MYH10: variants seen among roughly 807,000 people sequenced by gnomAD.
MYH10 encodes the protein myosin-10.
MYH10 carries 55 observed loss-of-function variants against 257.8 expected under a neutral mutation model. The observed-to-expected ratio is 0.21, with a 90% CI of 0.17 to 0.27. The LOEUF is 0.27. Among genes scored for constraint, MYH10 ranks in the 10% least tolerant of loss-of-function variants. The pLI is 1.00. For missense variants in MYH10, 1,631 were observed against 2,500.6 expected, an observed-to-expected ratio of 0.65 and a Z score of 7.42; for synonymous variants, 854 against 921.7, an observed-to-expected ratio of 0.93 and a Z score of 1.33.
chr17:8,500,990 AAG>A lies in MYH10; in HGVS notation c.3600-22_3600-21del. 8.1e-6 allele frequency: 13 copies of A among 1,606,434 alleles called. No individual in the cohort carries two copies. Among genetic ancestry groups the A allele is most frequent in the Middle Eastern group, 1.7e-4 (1 of 6,034 alleles). The stretch of plus-strand genomic sequence containing the variant: ...TTTGTACTAGAGAAGGACATTTTTT[AAG>A]AGAGATCAGAATTAGCTGACTGATT... On this transcript the variant is annotated intron_variant, in intron 28 of 42. Coordinates refer to ENST00000360416, the MANE Select transcript of MYH10 (RefSeq NM_001256012.3).
At chr17:8,493,923 T>C in intron 31 of MYH10, 38 bp from the exon 32 acceptor site, 1 of 1,575,798 alleles carries the variant, frequency 6.3e-7, no homozygotes, top group Non-Finnish European at 8.6e-7. Flanking sequence ...TTCCATTACA[T>C]TTATCACCAA....
At chr17:8,577,727 T>G (rs868523151) in intron 4 of MYH10, among the ~76,000 whole-genome samples, 4 of 152,168 alleles carry the variant, frequency 2.6e-5, no homozygotes, top group Non-Finnish European at 4.4e-5. Context: ...AGATGGGGTT[T>G]CACCATGTTG....
At chr17:8,534,638 G>C (rs1333044006) in intron 16 of MYH10, among the ~76,000 whole-genome samples, 2 of 152,224 alleles carry the variant, frequency 1.3e-5, no homozygotes, top group African/African-American at 4.8e-5. Flanking sequence ...ATGTGACCCA[G>C]GTTACTGAAC....
intron 1 of MYH10, among the ~76,000 whole-genome samples, chr17:8,627,641 T>C (rs1391199472): frequency 6.6e-6 from 1 of 152,240 alleles, no homozygotes; most frequent in Non-Finnish European, 1.5e-5. Flanking sequence ...AATACATTTA[T>C]TTCACTCCAT....
In MYH10 at chr17:8,535,349, C is replaced by T. The variant is rs1194720948; in HGVS notation, c.1894+38G>A. On this transcript the variant is annotated intron_variant, in intron 16 of 42. Coordinates refer to ENST00000360416, the MANE Select transcript of MYH10 (RefSeq NM_001256012.3). This position sits in a 1 kb window ranked among gnomAD's most constrained non-coding sequence, Gnocchi z 4.3. ...CTATAAACCTTAATTATAAAAGATTCCAGCCAAGCATGATTACAAAGATAA... is the reference window on the plus strand; with the variant it reads ...CTATAAACCTTAATTATAAAAGATTTCAGCCAAGCATGATTACAAAGATAA... 6.8e-7 allele frequency: 1 copy of T among 1,479,030 alleles called. No individual in the cohort carries two copies. The allele number at this position is 1,479,030 out of a possible 1,614,324, so 91.6% of individuals were successfully genotyped here.
chr17:8,475,913 G>C lies in MYH10; in HGVS notation c.5915C>G (p.Ser1972Cys), dbSNP rs777012280. The change falls in exon 43 of 43, where the codon TCT (serine) becomes TGT (cysteine). Residue 1972 changes from serine to cysteine, a missense_variant. By Grantham distance (112) the Ser-to-Cys change is moderately radical. Coordinates refer to ENST00000360416, the MANE Select transcript of MYH10 (RefSeq NM_001256012.3). ...GGPISFSSSRSGRRQLHLEGA... is the reference protein window; with the variant it reads ...GGPISFSSSRCGRRQLHLEGA... ...TTCAAGGTGCAGCTGGCGCCGGCCA[G>C]ATCGGCTGGAAGAGAAGCTGATGGG... 2 of 1,614,140 alleles carry C rather than the reference G, an allele frequency of 1.2e-6. No individual in the cohort carries two copies. The highest frequency in any genetic ancestry group is 1.7e-6 in the Non-Finnish European group (2 of 1,180,036).
intron 4 of MYH10, among the ~76,000 whole-genome samples, chr17:8,579,695 G>C (rs1247541899): frequency 6.6e-6 from 1 of 152,120 alleles, no homozygotes; most frequent in African/African-American, 2.4e-5. Context: ...TTTATTTTAA[G>C]GTTTCTGCCC....
intron 14 of MYH10, among the ~76,000 whole-genome samples, chr17:8,536,137 C>T (rs2082132402): frequency 6.6e-6 from 1 of 152,002 alleles, no homozygotes; most frequent in African/African-American, 2.4e-5. Context: ...AACAAGAAAA[C>T]AGAGGAGTAA....
chr17:8,548,733 A>G lies in MYH10; in HGVS notation c.974T>C (p.Ile325Thr). 6.2e-7 allele frequency: 1 copy of G among 1,613,736 alleles called. No individual in the cohort carries two copies. Among genetic ancestry groups the G allele is most frequent in the South Asian group, 1.1e-5 (1 of 91,070 alleles). ...TTTGTCTTGCTGTCCCGGAATAGGA[A>G]TATAGCCATTGGAGAGAAACCTGTA... ...NNYRFLSNGYIPIPGQQDKDN... is the reference protein window; with the variant it reads ...NNYRFLSNGYTPIPGQQDKDN... Residue 325 changes from isoleucine (I) to threonine (T), a missense_variant, in exon 10 of 43, where the codon ATT becomes ACT. Ile to Thr is a moderately conservative substitution (Grantham distance 89). Transcript: ENST00000360416.
At chr17:8,607,667 GT>G (rs2084863325) in intron 2 of MYH10, among the ~76,000 whole-genome samples, 1 of 152,176 alleles carries the variant, frequency 6.6e-6, no homozygotes, top group Non-Finnish European at 1.5e-5. Flanking sequence ...GCAATATGTT[GT>G]TAAAATTATT....
chr17:8,593,464 TAA>T (rs1462686338), intron 3 of MYH10, among the ~76,000 whole-genome samples: 9 of 152,238 alleles, frequency 5.9e-5, no homozygotes, highest in African/African-American at 1.9e-4. Context: ...CCTTTCAGAC[TAA>T]GTTTAGCAAG....
At position 8,506,898 on chromosome 17, in the gene MYH10, C is replaced by T. The variant is rs534755016; in HGVS notation, c.3215-409G>A. On this transcript the variant is annotated intron_variant, in intron 26 of 42. Transcript: ENST00000360416. This position sits in a 1 kb window ranked among gnomAD's most constrained non-coding sequence, Gnocchi z 5.0. The stretch of plus-strand genomic sequence containing the variant: ...TCCCTTTTCCATGGGAACCCCTGTT[C>T]TGAACCAAGAAAACTGCCATCCTCG... Among the ~76,000 whole-genome samples, 61 of 152,322 alleles carry T rather than the reference C, an allele frequency of 4.0e-4. No individual in the cohort carries two copies. Among genetic ancestry groups the T allele is most frequent in the African/African-American group, 1.4e-3 (60 of 41,584 alleles).
At chr17:8,489,819 G>A (rs1243394715) in intron 35 of MYH10, among the ~76,000 whole-genome samples, 1 of 151,926 alleles carries the variant, frequency 6.6e-6, no homozygotes. Context: ...TTAAAGTAAA[G>A]TTTTAGACTA....
chr17:8,588,776 T>G (rs768605261), intron 4 of MYH10, among the ~76,000 whole-genome samples: 66 of 152,240 alleles, frequency 4.3e-4, no homozygotes, highest in Non-Finnish European at 5.3e-4. Flanking sequence ...TGATAATCAG[T>G]AAATGCTTAT....
chr17:8,556,688 T>C (rs954604480), intron 7 of MYH10, among the ~76,000 whole-genome samples: 2 of 152,200 alleles, frequency 1.3e-5, no homozygotes, highest in Non-Finnish European at 2.9e-5. Context: ...CTCTAGAGCA[T>C]GGTGCTCACT....
chr17:8,606,860 T>A (rs965512552), intron 2 of MYH10, among the ~76,000 whole-genome samples: 9 of 152,190 alleles, frequency 5.9e-5, no homozygotes, highest in African/African-American at 2.2e-4. Flanking sequence ...TATAGACTCC[T>A]CAAGTCTTCA....
At chr17:8,595,002 A>C (rs1030849996) in intron 3 of MYH10, among the ~76,000 whole-genome samples, 1 of 152,244 alleles carries the variant, frequency 6.6e-6, no homozygotes, top group Non-Finnish European at 1.5e-5. Context: ...TAATTGCCAA[A>C]AACTGAAAAC....
intron 17 of MYH10, 125 bp downstream of exon 17, chr17:8,530,498 A>G: frequency 1.6e-6 from 1 of 608,036 alleles, no homozygotes. Context: ...ACAGAAACCC[A>G]AAGCCCACCC....
intron 42 of MYH10, among the ~76,000 whole-genome samples, chr17:8,476,536 C>T (rs1341717867): frequency 6.6e-6 from 1 of 152,170 alleles, no homozygotes. Context: ...GGGCTGATGG[C>T]ACCAGGTCCC....
Sources: allele counts gnomAD v4.1 joint callset (sites outside exome capture counted in the v4.1 genomes callset), GRCh38; gene constraint gnomAD v4.1.1; non-coding constraint Gnocchi (gnomAD v3.1); transcripts MANE v1.5; gene names NCBI Gene and HGNC (gene_info 2026-07-23, HGNC 2026-07-21).